DLG1: variants seen among roughly 807,000 people sequenced by gnomAD.
DLG1 encodes the protein discs large MAGUK scaffold protein 1, also known as disks large homolog 1.
DLG1 carries 42 observed loss-of-function variants against 123.4 expected under a neutral mutation model. The ratio of observed to expected loss-of-function variants is 0.34; its 90% CI spans 0.27 to 0.44. DLG1 has a LOEUF of 0.44. Among genes scored for constraint, DLG1 ranks in the 20% least tolerant of loss-of-function variants. The pLI is 1.00. For missense variants in DLG1, 942 were observed against 1,082.6 expected, an observed-to-expected ratio of 0.87 and a Z score of 1.82; for synonymous variants, 317 against 356.2, an observed-to-expected ratio of 0.89 and a Z score of 1.24.
intron 4 of DLG1, among the ~76,000 whole-genome samples, chr3:197,248,768 G>A (rs969350197): frequency 3.3e-5 from 5 of 152,186 alleles, no homozygotes; most frequent in African/African-American, 4.8e-5. Context: ...GTAAGGCAGC[G>A]TGGGTCGGCT....
intron 5 of DLG1, among the ~76,000 whole-genome samples, chr3:197,171,777 T>C (rs1227929896): frequency 6.6e-6 from 1 of 152,158 alleles, no homozygotes; most frequent in Non-Finnish European, 1.5e-5. Context: ...AACTTCAATA[T>C]ATGGTTACAT....
intron 23 of DLG1, among the ~76,000 whole-genome samples, chr3:197,055,288 C>G (rs1218902466): frequency 1.3e-5 from 2 of 152,178 alleles, no homozygotes; most frequent in Non-Finnish European, 1.5e-5. Flanking sequence ...TCTTTTAGCT[C>G]ATTTAGTATC....
chr3:197,054,429 A>ATTG (rs1553868487), intron 23 of DLG1, among the ~76,000 whole-genome samples: 6 of 151,754 alleles, frequency 4.0e-5, no homozygotes, highest in Admixed American at 2.6e-4. Context: ...TTCTTCAGTC[A>ATTG]TTTCTCTGTT....
chr3:197,250,447 T>A (rs554999684), intron 4 of DLG1, among the ~76,000 whole-genome samples: 2 of 151,714 alleles, frequency 1.3e-5, no homozygotes, highest in South Asian at 4.2e-4. Flanking sequence ...TGGGCACCTG[T>A]AATCCCAGCT....
intron 3 of DLG1, among the ~76,000 whole-genome samples, chr3:197,286,158 A>G (rs1390911996): frequency 2.6e-4 from 39 of 152,224 alleles, no homozygotes; most frequent in Non-Finnish European, 4.4e-4. Context: ...GACATTCTGG[A>G]AAAGGCAAAA....
At chr3:197,122,594 T>C (rs558083463) in intron 11 of DLG1, among the ~76,000 whole-genome samples, 3 of 152,256 alleles carry the variant, frequency 2.0e-5, no homozygotes, top group African/African-American at 7.2e-5. Context: ...TTTAGCAAGA[T>C]TGTTGACTAA....
chr3:197,211,652 T>C lies in DLG1; in HGVS notation c.319-17063A>G, dbSNP rs1731322135. ...AGAAAAGGGAATACTTATACACTGT[T>C]GTTGGGAGTACAAATGGGTTCAACC... On this transcript the variant is annotated intron_variant, in intron 4 of 24. Coordinates refer to ENST00000667157, the MANE Select transcript of DLG1 (RefSeq NM_001366207.1). Among the ~76,000 whole-genome samples the C allele has an allele frequency of 1.4e-5, 2 of 146,794 alleles. 1 individual carries two copies. The highest frequency in any genetic ancestry group is 5.1e-4 in the South Asian group (2 of 3,914).
intron 4 of DLG1, among the ~76,000 whole-genome samples, chr3:197,263,352 G>C (rs995555269): frequency 1.3e-5 from 2 of 152,160 alleles, no homozygotes; most frequent in Admixed American, 1.3e-4. Flanking sequence ...TTTCTTCGGG[G>C]GGGTGGGAGG....
chr3:197,149,112 G>C (rs545898776), intron 6 of DLG1, among the ~76,000 whole-genome samples: 4 of 152,184 alleles, frequency 2.6e-5, no homozygotes, highest in African/African-American at 9.6e-5. Flanking sequence ...GTAGTTTCTA[G>C]TTTATTCACA....
chr3:197,155,265 G>T (rs1795863420), intron 5 of DLG1, among the ~76,000 whole-genome samples: 2 of 152,168 alleles, frequency 1.3e-5, no homozygotes, highest in African/African-American at 2.4e-5. Flanking sequence ...ATGGCAGTGG[G>T]TGGAAATACT....
At chr3:197,241,205 C>T (rs766133324) in intron 4 of DLG1, among the ~76,000 whole-genome samples, 15 of 152,052 alleles carry the variant, frequency 9.9e-5, no homozygotes, top group Non-Finnish European at 1.9e-4. Context: ...CAACAGACTT[C>T]TCAACGGAAA....
chr3:197,267,067 A>C lies in DLG1; in HGVS notation c.318+15612T>G, dbSNP rs557174476. 1.1e-4 allele frequency among the ~76,000 whole-genome samples: 16 copies of C among 152,330 alleles called. No homozygotes were observed. In the South Asian group the frequency reaches 2.9e-3, roughly 28 times the overall value. ...AGACAGAGGTTAATTCTGGGGAACA[A>C]GGCAGGAGAACGTGATTACAGTGGA... On this transcript the variant is annotated intron_variant, in intron 4 of 24. Transcript: ENST00000667157.
At chr3:197,238,486 C>G (rs192640246) in intron 4 of DLG1, among the ~76,000 whole-genome samples, 3 of 152,180 alleles carry the variant, frequency 2.0e-5, no homozygotes, top group Admixed American at 1.3e-4. Flanking sequence ...ATGGAAATGA[C>G]AGAACTGAAA....
At chr3:197,169,659 A>G (rs1230103865) in intron 5 of DLG1, among the ~76,000 whole-genome samples, 1 of 152,228 alleles carries the variant, frequency 6.6e-6, no homozygotes, top group African/African-American at 2.4e-5. Context: ...TGAACATACT[A>G]TCTGATAGCT....
At chr3:197,297,438 G>C in intron 1 of DLG1, 1 of 1,391,456 alleles carries the variant, frequency 7.2e-7, no homozygotes, top group South Asian at 1.6e-5. Flanking sequence ...TCCAAATTAA[G>C]AACAGACAGA....
intron 11 of DLG1, 122 bp downstream of exon 11, chr3:197,130,405 A>G (rs974263928): frequency 1.1e-6 from 1 of 887,532 alleles, no homozygotes. Context: ...TAACATGCTT[A>G]ATTGTTTCTT....
At chr3:197,098,588 G>A (rs867991795) in intron 14 of DLG1, among the ~76,000 whole-genome samples, 1 of 151,996 alleles carries the variant, frequency 6.6e-6, no homozygotes, top group Non-Finnish European at 1.5e-5. Context: ...AGGCCGGAGT[G>A]CAGTGGTGCA....
chr3:197,135,417 G>C (rs1450790037), intron 10 of DLG1, among the ~76,000 whole-genome samples: 1 of 152,148 alleles, frequency 6.6e-6, no homozygotes, highest in African/African-American at 2.4e-5. Flanking sequence ...TCCACTGCTG[G>C]CACGTCTCTC....
intron 5 of DLG1, among the ~76,000 whole-genome samples, chr3:197,169,510 C>T (rs1803052857): frequency 1.3e-5 from 2 of 152,038 alleles, no homozygotes; most frequent in South Asian, 2.1e-4. Flanking sequence ...ACAATAGCCA[C>T]TAAAAATGAT....
Sources: allele counts gnomAD v4.1 joint callset (sites outside exome capture counted in the v4.1 genomes callset), GRCh38; gene constraint gnomAD v4.1.1; transcripts MANE v1.5; gene names NCBI Gene and HGNC (gene_info 2026-07-23, HGNC 2026-07-21).